The following DIRAS2 variants were observed in gnomAD, a reference collection of about 807,000 sequenced individuals.
DIRAS2 encodes the protein DIRAS family GTPase 2.
In DIRAS2, 5 loss-of-function variants were observed where a neutral mutation model predicts 13.9. The observed-to-expected ratio is 0.36, with a 90% CI of 0.19 to 0.76. The LOEUF is 0.76. Among genes scored for constraint, DIRAS2 ranks in the 30% least tolerant of loss-of-function variants. The probability of loss-of-function intolerance (pLI) is 0.53; values close to 1 mark genes in which losing one functional copy is unlikely to be tolerated. For synonymous variants in DIRAS2, 111 were observed against 105.4 expected, an observed-to-expected ratio of 1.05 and a Z score of -0.33; for missense variants, 191 against 263.0, an observed-to-expected ratio of 0.73 and a Z score of 1.89.
At position 90,610,278 on chromosome 9, in the gene DIRAS2, C is replaced by T. The variant is rs1386599310; in HGVS notation, c.*2950G>A. 4 of 395,884 alleles carry T rather than the reference C, an allele frequency of 1.0e-5. No individual in the cohort carries two copies. The highest frequency in any genetic ancestry group is 1.8e-5 in the Non-Finnish European group (4 of 225,078). 24.5% of individuals were successfully genotyped at this position (395,884 alleles called of 1,614,324 possible). A position where few individuals can be genotyped will look rare whatever the true frequency, so the allele number is the denominator to read the frequency against. ...ACAGTGAAACAAATATACTAGCTTA[C>T]AGATATGTACAATTTATGACTTTAT... On this transcript the variant is annotated 3_prime_UTR_variant, in exon 2 of 2. Transcript: ENST00000375765.
chr9:90,614,979 A>G (rs1490701684), intron 1 of DIRAS2, among the ~76,000 whole-genome samples: 1 of 152,222 alleles, frequency 6.6e-6, no homozygotes, highest in Admixed American at 6.5e-5. Flanking sequence ...AAAATAGAGA[A>G]TTACACAATT....
intron 1 of DIRAS2, among the ~76,000 whole-genome samples, chr9:90,628,370 A>T (rs1005732527): frequency 1.3e-5 from 2 of 152,252 alleles, no homozygotes; most frequent in Non-Finnish European, 2.9e-5. Flanking sequence ...CATCTTTCAT[A>T]GATTTGTGAG....
chr9:90,639,443 C>A (rs1825399048), intron 1 of DIRAS2, among the ~76,000 whole-genome samples: 3 of 152,106 alleles, frequency 2.0e-5, no homozygotes, highest in Admixed American at 2.0e-4. Context: ...AGCCCACTAG[C>A]TGTTCATTAG....
chr9:90,624,353 A>G (rs763579964), intron 1 of DIRAS2, among the ~76,000 whole-genome samples: 94 of 152,346 alleles, frequency 6.2e-4, no homozygotes, highest in Non-Finnish European at 9.6e-4. Flanking sequence ...TTAAACATCC[A>G]TGGATCAACT....
At chr9:90,639,619 C>T (rs1168006364) in intron 1 of DIRAS2, among the ~76,000 whole-genome samples, 2 of 152,202 alleles carry the variant, frequency 1.3e-5, no homozygotes, top group Non-Finnish European at 2.9e-5. Context: ...AGTAGTGGTG[C>T]AAAATGATGA....
At chr9:90,637,763 T>C (rs1040314423) in intron 1 of DIRAS2, among the ~76,000 whole-genome samples, 5 of 152,162 alleles carry the variant, frequency 3.3e-5, no homozygotes, top group Non-Finnish European at 7.3e-5. Flanking sequence ...ATTAAGGCCG[T>C]GGCTCTCCGG....
At chr9:90,640,500 T>C (rs1825409346) in intron 1 of DIRAS2, among the ~76,000 whole-genome samples, 1 of 152,234 alleles carries the variant, frequency 6.6e-6, no homozygotes, top group Admixed American at 6.5e-5. Flanking sequence ...TAAAAAGCCA[T>C]CAGCAATTTT....
chr9:90,611,868 C>T lies in DIRAS2; in HGVS notation c.*1360G>A, dbSNP rs1825117256. The T allele has an allele frequency of 6.6e-6, 1 of 152,236 alleles. No homozygotes were observed. The highest frequency in any genetic ancestry group is 1.9e-4 in the East Asian group (1 of 5,182). 9.4% of individuals were successfully genotyped at this position (152,236 alleles called of 1,614,324 possible). A position where few individuals can be genotyped will look rare whatever the true frequency, so the allele number is the denominator to read the frequency against. On this transcript the variant is annotated 3_prime_UTR_variant, in exon 2 of 2. Transcript: ENST00000375765. Reference sequence around the variant, plus strand: ...AGTGGGAGTTTTCAGGAAGCCAAGTCCAACCAGGCTCTACGATGGCAGAGC... The same window carrying T: ...AGTGGGAGTTTTCAGGAAGCCAAGTTCAACCAGGCTCTACGATGGCAGAGC...
At position 90,613,282 on chromosome 9, in the gene DIRAS2, C is replaced by G. The variant is rs753408149; in HGVS notation, c.546G>C (p.Lys182Asn). 1.2e-6 allele frequency: 2 copies of G among 1,613,972 alleles called. No individual in the cohort carries two copies. Among genetic ancestry groups the G allele is most frequent in the South Asian group, 2.2e-5 (2 of 91,056 alleles). ...TCTCTTTCCTTTTCTGCTGCTTGCT[C>G]TTTTTCCCGTCGATCTGGAGACTCA... ...RTVSLQIDGK[K>N]SKQQKRKEKL... Residue 182 changes from lysine (K) to asparagine (N), a missense_variant, in exon 2 of 2, where the codon AAG becomes AAC. By Grantham distance (94) the Lys-to-Asn change is moderately conservative. Coordinates refer to ENST00000375765, the MANE Select transcript of DIRAS2 (RefSeq NM_017594.5). This position sits in a 1 kb window ranked among gnomAD's most constrained non-coding sequence, Gnocchi z 5.6.
At chr9:90,636,215 T>G (rs1209018263) in intron 1 of DIRAS2, among the ~76,000 whole-genome samples, 2 of 151,666 alleles carry the variant, frequency 1.3e-5, no homozygotes, top group African/African-American at 2.4e-5. Flanking sequence ...TTTTCTGTAT[T>G]TTTTAGCAGA....
At chr9:90,622,839 C>A in intron 1 of DIRAS2, among the ~76,000 whole-genome samples, 1 of 152,080 alleles carries the variant, frequency 6.6e-6, no homozygotes, top group East Asian at 1.9e-4. Context: ...TTTTTGAGGG[C>A]TGGGCGGGGA....
rs1036536598 is a variant in DIRAS2 at position 90,612,920 on chromosome 9, G to A, written c.*308C>T. The A allele has an allele frequency of 2.6e-6, 1 of 378,510 alleles. No homozygotes were observed. Among genetic ancestry groups the A allele is most frequent in the Non-Finnish European group, 4.9e-6 (1 of 203,060 alleles). The allele number at this position is 378,510 out of a possible 1,614,324, so 23.4% of individuals were successfully genotyped here. Reference sequence around the variant, plus strand: ...TCCTCTCGGTACATGTTGCTTTGTGGGTACCAGTCCTCCCTCCCACCTTCG... The same window carrying A: ...TCCTCTCGGTACATGTTGCTTTGTGAGTACCAGTCCTCCCTCCCACCTTCG... On this transcript the variant is annotated 3_prime_UTR_variant, in exon 2 of 2. Coordinates refer to ENST00000375765, the MANE Select transcript of DIRAS2 (RefSeq NM_017594.5).
At chr9:90,620,102 T>A (rs1043234834) in intron 1 of DIRAS2, among the ~76,000 whole-genome samples, 16 of 152,158 alleles carry the variant, frequency 1.1e-4, no homozygotes, top group African/African-American at 3.6e-4. Context: ...AATGAAGTGT[T>A]CTAAAACAGT....
At chr9:90,638,554 A>C (rs1225078033) in intron 1 of DIRAS2, among the ~76,000 whole-genome samples, 1 of 152,222 alleles carries the variant, frequency 6.6e-6, no homozygotes, top group Non-Finnish European at 1.5e-5. Flanking sequence ...AAAGAGAAGG[A>C]AGCAAAAGGC....
At chr9:90,639,675 C>T (rs914956215) in intron 1 of DIRAS2, among the ~76,000 whole-genome samples, 2 of 152,184 alleles carry the variant, frequency 1.3e-5, no homozygotes, top group Non-Finnish European at 2.9e-5. Context: ...CACAATAAAC[C>T]CCTAGGCTGC....
intron 1 of DIRAS2, among the ~76,000 whole-genome samples, chr9:90,617,777 C>T (rs1825183098): frequency 6.6e-6 from 1 of 152,148 alleles, no homozygotes; most frequent in Non-Finnish European, 1.5e-5. Context: ...TTTCTATACA[C>T]TTGCAATGAA....
intron 1 of DIRAS2, among the ~76,000 whole-genome samples, chr9:90,627,432 A>G (rs903074124): frequency 3.3e-5 from 5 of 152,234 alleles, no homozygotes; most frequent in Non-Finnish European, 5.9e-5. Flanking sequence ...GTCAAAAAAG[A>G]CAAATACTGT....
chr9:90,619,964 C>T (rs993202532), intron 1 of DIRAS2, among the ~76,000 whole-genome samples: 99 of 152,118 alleles, frequency 6.5e-4, no homozygotes, highest in Non-Finnish European at 8.8e-4. Flanking sequence ...CTGTATGGTT[C>T]CATCATATGA....
At chr9:90,639,961 A>ATC (rs1825404116) in intron 1 of DIRAS2, among the ~76,000 whole-genome samples, 1 of 152,214 alleles carries the variant, frequency 6.6e-6, no homozygotes, top group Non-Finnish European at 1.5e-5. Flanking sequence ...GTGCTGGACA[A>ATC]TACAGTAGCC....
Sources: allele counts gnomAD v4.1 joint callset (sites outside exome capture counted in the v4.1 genomes callset), GRCh38; gene constraint gnomAD v4.1.1; non-coding constraint Gnocchi (gnomAD v3.1); transcripts MANE v1.5; gene names NCBI Gene and HGNC (gene_info 2026-07-23, HGNC 2026-07-21).